The following ALCAM variants were observed in gnomAD, a reference collection of about 807,000 sequenced individuals.
ALCAM encodes CD166 antigen.
A neutral mutation model predicts 70.9 loss-of-function variants in ALCAM; 30 were observed. That is an observed-to-expected ratio of 0.42 (90% CI 0.32 to 0.57). The LOEUF (loss-of-function observed/expected upper bound fraction) is 0.57. Ranked by LOEUF, ALCAM falls within the 20% of genes least tolerant of loss-of-function variation. The pLI, the probability that ALCAM is intolerant of heterozygous loss-of-function variation, is 0.11. For synonymous variants in ALCAM, 249 were observed against 242.5 expected (o/e 1.03, Z -0.25); for missense variants, 591 against 695.1 (o/e 0.85, Z 1.68).
intron 1 of ALCAM, among the ~76,000 whole-genome samples, chr3:105,516,541 A>G (rs557498286): frequency 1.3e-5 from 2 of 151,962 alleles, no homozygotes; most frequent in East Asian, 3.9e-4. Context: ...AACCTTTGTA[A>G]TTCTATTGTT....
intron 7 of ALCAM, among the ~76,000 whole-genome samples, 155 bp from the exon 8 acceptor site, chr3:105,541,478 A>T (rs1940114031): frequency 6.6e-6 from 1 of 152,010 alleles, no homozygotes; most frequent in Non-Finnish European, 1.5e-5. Context: ...CAGGAATCAG[A>T]TATTGGTAAC....
chr3:105,546,459 T>A (rs1940250520), intron 9 of ALCAM, among the ~76,000 whole-genome samples: 1 of 151,462 alleles, frequency 6.6e-6, no homozygotes, highest in South Asian at 2.1e-4. Flanking sequence ...CACAACTTGT[T>A]CACTAAAATA....
intron 1 of ALCAM, among the ~76,000 whole-genome samples, chr3:105,422,988 A>G (rs1936705855): frequency 6.6e-6 from 1 of 151,462 alleles, no homozygotes; most frequent in Non-Finnish European, 1.5e-5. Context: ...GTTATGTCAT[A>G]TAATTTTACT....
intron 8 of ALCAM, 48 bp from the exon 9 acceptor site, chr3:105,545,175 A>G: frequency 1.7e-6 from 2 of 1,194,332 alleles, no homozygotes; most frequent in Non-Finnish European, 2.5e-6. Flanking sequence ...TATTTTGACT[A>G]TCTTACATTT....
Position 105,474,601 on chromosome 3 carries a change from AAAAG to A in ALCAM, c.74-45464_74-45461del, listed in dbSNP as rs528536111. Among the ~76,000 whole-genome samples the A allele has an allele frequency of 2.0e-5, 3 of 151,712 alleles. No homozygotes were observed. The South Asian group carries it at 6.2e-4, about 31-fold the overall frequency. ...GGCTTAAGCCTTTTCTTGCGAAAAA[AAAAG>A]AGAGAGAGAGAGAGCGAGAAAGAAA... is the stretch of plus-strand genomic sequence containing the variant. On this transcript the variant is annotated intron_variant, in intron 1 of 15. Transcript: ENST00000306107.
At chr3:105,503,128 C>CGT (rs1220489803) in intron 1 of ALCAM, among the ~76,000 whole-genome samples, 4 of 152,172 alleles carry the variant, frequency 2.6e-5, no homozygotes, top group Non-Finnish European at 5.9e-5. Context: ...AAAGGGCTCG[C>CGT]GTGTGTTAAA....
Position 105,544,306 on chromosome 3 carries a change from A to G in ALCAM, c.992-917A>G, listed in dbSNP as rs140572922. On this transcript the variant is annotated intron_variant, in intron 8 of 15. Coordinates refer to ENST00000306107, the MANE Select transcript of ALCAM (RefSeq NM_001627.4). Reference sequence around the variant, plus strand: ...CAAAGTTTTCCTTACATCTTCCCCTATCAAAGTCCTTCTCAACCATCAGAG... The same window carrying G: ...CAAAGTTTTCCTTACATCTTCCCCTGTCAAAGTCCTTCTCAACCATCAGAG... Among the ~76,000 whole-genome samples, 4 of 151,646 alleles carry G rather than the reference A, an allele frequency of 2.6e-5. No individual in the cohort carries two copies. In the East Asian group the frequency reaches 5.8e-4, roughly 22 times the overall value.
At chr3:105,400,123 T>C (rs1174086594) in intron 1 of ALCAM, among the ~76,000 whole-genome samples, 2 of 152,136 alleles carry the variant, frequency 1.3e-5, no homozygotes, top group Non-Finnish European at 2.9e-5. Flanking sequence ...CTGTTAAGGC[T>C]GATAAAAGGG....
At chr3:105,513,903 A>G (rs1939309461) in intron 1 of ALCAM, among the ~76,000 whole-genome samples, 1 of 151,950 alleles carries the variant, frequency 6.6e-6, no homozygotes, top group African/African-American at 2.4e-5. Context: ...TCAAAGATCT[A>G]CTCTGTAGAA....
chr3:105,400,376 A>C (rs1936058865), intron 1 of ALCAM, among the ~76,000 whole-genome samples: 1 of 152,146 alleles, frequency 6.6e-6, no homozygotes, highest in Non-Finnish European at 1.5e-5. Flanking sequence ...GCAGAAACCT[A>C]ATATCTTCAT....
At chr3:105,484,350 G>A (rs573475607) in intron 1 of ALCAM, among the ~76,000 whole-genome samples, 2 of 151,064 alleles carry the variant, frequency 1.3e-5, no homozygotes, top group South Asian at 4.2e-4. Context: ...GAATATCTAT[G>A]ATCCGGATAT....
chr3:105,394,738 C>T (rs145687809), intron 1 of ALCAM, among the ~76,000 whole-genome samples: 106 of 151,962 alleles, frequency 7.0e-4, no homozygotes, highest in African/African-American at 2.4e-3. Context: ...TTGACATCTG[C>T]AAAATTGTTT....
intron 1 of ALCAM, among the ~76,000 whole-genome samples, chr3:105,369,856 T>A (rs770966863): frequency 4.6e-5 from 7 of 152,114 alleles, no homozygotes; most frequent in Non-Finnish European, 8.8e-5. Context: ...GAGAAAAATA[T>A]ATGAACCACG....
chr3:105,539,192 G>A (rs1004995961), intron 6 of ALCAM, among the ~76,000 whole-genome samples: 2 of 152,026 alleles, frequency 1.3e-5, no homozygotes, highest in Admixed American at 1.3e-4. Context: ...CATAACAAAT[G>A]GATAGGTTAG....
At chr3:105,377,666 G>A (rs571882513) in intron 1 of ALCAM, among the ~76,000 whole-genome samples, 2 of 152,000 alleles carry the variant, frequency 1.3e-5, no homozygotes, top group Non-Finnish European at 1.5e-5. Flanking sequence ...CCAGAAATGG[G>A]AAAAGACAGG....
chr3:105,531,752 G>A (rs1255787301), intron 3 of ALCAM, among the ~76,000 whole-genome samples: 1 of 152,014 alleles, frequency 6.6e-6, no homozygotes, highest in Non-Finnish European at 1.5e-5. Flanking sequence ...TATTTATAAA[G>A]CATTCAGAAA....
intron 1 of ALCAM, among the ~76,000 whole-genome samples, chr3:105,477,832 G>A (rs1938162900): frequency 6.6e-6 from 1 of 151,832 alleles, no homozygotes; most frequent in Non-Finnish European, 1.5e-5. Flanking sequence ...TGATTCTTCA[G>A]TCATTTTATT....
chr3:105,367,461 C>T lies in ALCAM; in HGVS notation c.53C>T (p.Ser18Phe). 6.2e-7 allele frequency: 1 copy of T among 1,614,046 alleles called. No individual in the cohort carries two copies. Among genetic ancestry groups the T allele is most frequent in the Non-Finnish European group, 8.5e-7 (1 of 1,179,936 alleles). Residue 18 changes from serine to phenylalanine, a missense_variant, in exon 1 of 16, where the codon TCC becomes TTC. Ser to Phe is a radical substitution (Grantham distance 155, BLOSUM62 -2). Coordinates refer to ENST00000306107, the MANE Select transcript of ALCAM (RefSeq NM_001627.4). Reference sequence around the variant, plus strand: ...CGTCTGCTCTTCTGCCTCTTGATCTCCGCCACCGTCTTCAGGCCAGGTGAG... The same window carrying T: ...CGTCTGCTCTTCTGCCTCTTGATCTTCGCCACCGTCTTCAGGCCAGGTGAG... ...SCRLLFCLLI[S>F]ATVFRPGLGW...
chr3:105,402,968 T>A (rs6802736), intron 1 of ALCAM, among the ~76,000 whole-genome samples: 19 of 140,742 alleles, frequency 1.3e-4, no homozygotes, highest in East Asian at 1.3e-3. Context: ...TTTTCTTAAA[T>A]GGAGTTTTGC....
Sources: gnomAD v4.1 joint callset for allele counts (sites outside exome capture counted in the v4.1 genomes callset) on GRCh38, gnomAD v4.1.1 for gene constraint, MANE v1.5 for transcripts, NCBI Gene and HGNC (gene_info 2026-07-23, HGNC 2026-07-21) for gene names.